The following EML1 variants were observed in gnomAD, a reference collection of about 807,000 sequenced individuals.
EML1 encodes echinoderm microtubule-associated protein-like 1.
Under a neutral mutation model 110.4 loss-of-function variants are expected in EML1, and 27 were observed. The observed-to-expected ratio is 0.24, with a 90% CI of 0.18 to 0.34. The LOEUF (loss-of-function observed/expected upper bound fraction) is 0.34, where lower values mean the gene tolerates loss of function less well. Ranked by LOEUF, EML1 falls within the 10% of genes least tolerant of loss-of-function variation. The pLI is 1.00. For synonymous variants in EML1, 344 were observed against 385.8 expected (o/e 0.89, Z 1.27); for missense variants, 741 against 1,030.9 (o/e 0.72, Z 3.85).
intron 1 of EML1, among the ~76,000 whole-genome samples, chr14:99,738,217 C>T (rs577870433): frequency 1.2e-4 from 19 of 152,318 alleles, no homozygotes; most frequent in Admixed American, 1.1e-3. Flanking sequence ...CGCATGCAGA[C>T]GAGTGTGTGT....
chr14:99,900,003 G>T (rs2059734285), intron 8 of EML1, among the ~76,000 whole-genome samples: 1 of 151,966 alleles, frequency 6.6e-6, no homozygotes, highest in Admixed American at 6.6e-5. Flanking sequence ...TCCAAGGCCA[G>T]CACCTTTTCT....
In EML1 at chr14:99,793,527, G is replaced by A. The variant is rs2057708744; in HGVS notation, c.51G>A (p.Leu17=). 2 of 1,041,678 alleles carry A rather than the reference G, an allele frequency of 1.9e-6. No individual in the cohort carries two copies. Among genetic ancestry groups the A allele is most frequent in the Non-Finnish European group, 2.3e-6 (2 of 862,010 alleles). The allele number at this position is 1,041,678 out of a possible 1,614,324, so 64.5% of individuals were successfully genotyped here. A position where few individuals can be genotyped will look rare whatever the true frequency, so the allele number is the denominator to read the frequency against. ...SYSSLYDTSS[L]LQFCNDDSAS... ...GCAGCCTGTACGACACGTCCTCGCT[G>A]CTCCAGTTCTGCAACGGTGAGGGGC... The change falls in exon 1 of 22, where the codon CTG becomes CTA. Residue 17 remains leucine (L), a synonymous_variant. Transcript: ENST00000262233.
At chr14:99,776,606 C>T (rs17099034) in intron 1 of EML1, among the ~76,000 whole-genome samples, 4,732 of 152,084 alleles carry the variant, frequency 0.031, 231 homozygotes, top group African/African-American at 0.1. Flanking sequence ...CTAGCTTTTA[C>T]TACAGGACGT....
intron 1 of EML1, among the ~76,000 whole-genome samples, chr14:99,804,870 T>G (rs2057943063): frequency 6.6e-6 from 1 of 152,200 alleles, no homozygotes. Flanking sequence ...CCATGACTCT[T>G]GGGGTTCAGG....
intron 15 of EML1, 119 bp downstream of exon 15, chr14:99,914,816 C>A: frequency 7.4e-7 from 1 of 1,352,212 alleles, no homozygotes; most frequent in Non-Finnish European, 9.9e-7. Context: ...TGTTATTTAT[C>A]TATTTAGAGT....
intron 1 of EML1, among the ~76,000 whole-genome samples, chr14:99,823,991 C>G (rs1026500774): frequency 6.6e-6 from 1 of 152,082 alleles, no homozygotes; most frequent in Non-Finnish European, 1.5e-5. Context: ...CTCGCTCTGT[C>G]GCCAGGCTGG....
At chr14:99,876,763 C>A (rs932630548) in intron 3 of EML1, among the ~76,000 whole-genome samples, 1 of 152,150 alleles carries the variant, frequency 6.6e-6, no homozygotes, top group Non-Finnish European at 1.5e-5. Flanking sequence ...CCCTGCCTGC[C>A]CCTCCCCTCC....
At chr14:99,812,189 C>T (rs1566877733) in intron 1 of EML1, among the ~76,000 whole-genome samples, 2 of 151,800 alleles carry the variant, frequency 1.3e-5, no homozygotes, top group Non-Finnish European at 2.9e-5. Context: ...GGAGTTTGTA[C>T]AGTGGGGAGA....
chr14:99,876,198 C>T (rs2059288382), intron 3 of EML1, among the ~76,000 whole-genome samples: 1 of 152,124 alleles, frequency 6.6e-6, no homozygotes, highest in African/African-American at 2.4e-5. Flanking sequence ...GGAGAGTGGC[C>T]AGCCCCAGGC....
At chr14:99,917,572 G>A (rs973939956) in intron 15 of EML1, among the ~76,000 whole-genome samples, 3 of 152,102 alleles carry the variant, frequency 2.0e-5, no homozygotes, top group Admixed American at 2.0e-4. Context: ...AAAAGGGTGG[G>A]GGTAGGTAGA....
At chr14:99,923,241 C>T (rs2060161461) in intron 17 of EML1, among the ~76,000 whole-genome samples, 2 of 152,180 alleles carry the variant, frequency 1.3e-5, no homozygotes, top group Non-Finnish European at 2.9e-5. Flanking sequence ...CCATGCCCAG[C>T]CTTCATTTTC....
chr14:99,765,757 A>C (rs180949854), intron 1 of EML1, among the ~76,000 whole-genome samples: 736 of 152,118 alleles, frequency 4.8e-3, no homozygotes, highest in Middle Eastern at 0.031. Context: ...GGCGTGCACC[A>C]CCACGCCTGG....
intron 15 of EML1, among the ~76,000 whole-genome samples, chr14:99,916,376 A>G (rs918591899): frequency 1.3e-5 from 2 of 152,220 alleles, no homozygotes; most frequent in Non-Finnish European, 2.9e-5. Flanking sequence ...CCACTGTAGA[A>G]AGAAAGCATT....
chr14:99,746,689 A>G (rs1291097996), intron 1 of EML1, among the ~76,000 whole-genome samples: 2 of 151,882 alleles, frequency 1.3e-5, no homozygotes, highest in Non-Finnish European at 2.9e-5. Flanking sequence ...GTCGCACCCC[A>G]CGCCCTGGGC....
At chr14:99,789,572 C>T (rs959000569), upstream of EML1, among the ~76,000 whole-genome samples, 1 of 152,174 alleles carries the variant, frequency 6.6e-6, no homozygotes, top group Admixed American at 6.5e-5. Context: ...ACCTGCAGTT[C>T]GGAAAGCACT....
intron 17 of EML1, among the ~76,000 whole-genome samples, chr14:99,934,582 T>C (rs1290811128): frequency 1.3e-5 from 2 of 152,236 alleles, no homozygotes; most frequent in African/African-American, 4.8e-5. Context: ...GTACAAATAT[T>C]GTCCAAGTGG....
chr14:99,880,348 A>G (rs1017684412), intron 4 of EML1, among the ~76,000 whole-genome samples: 1 of 152,158 alleles, frequency 6.6e-6, no homozygotes, highest in Admixed American at 6.5e-5. Context: ...ACTCGGTAGA[A>G]GTGAAGGTTA....
intron 1 of EML1, among the ~76,000 whole-genome samples, chr14:99,826,411 C>T (rs1416378290): frequency 6.6e-6 from 1 of 152,120 alleles, no homozygotes; most frequent in Non-Finnish European, 1.5e-5. Flanking sequence ...CTGTGCCCAG[C>T]CCTATGCATT....
chr14:99,747,929 C>G (rs973815884), intron 1 of EML1, among the ~76,000 whole-genome samples: 2 of 152,204 alleles, frequency 1.3e-5, no homozygotes, highest in African/African-American at 4.8e-5. Context: ...AAACACTGAG[C>G]TGGTTGAGAG....
Sources: gnomAD v4.1 joint callset for allele counts (sites outside exome capture counted in the v4.1 genomes callset) on GRCh38, gnomAD v4.1.1 for gene constraint, MANE v1.5 for transcripts, NCBI Gene and HGNC (gene_info 2026-07-23, HGNC 2026-07-21) for gene names.